The following ZNF740 variants were observed in gnomAD, a reference collection of about 807,000 sequenced individuals.
The protein encoded by ZNF740 is oriLyt TD-element-binding protein 7.
Under a neutral mutation model 24.8 loss-of-function variants are expected in ZNF740, and 14 were observed. That is an observed-to-expected ratio of 0.56 (90% CI 0.37 to 0.88). ZNF740 has a LOEUF of 0.88. Among genes scored for constraint, ZNF740 ranks in the 40% least tolerant of loss-of-function variants. The pLI is 0.00. For synonymous variants in ZNF740, 69 were observed against 84.0 expected (o/e 0.82, Z 0.98); for missense variants, 201 against 247.9 (o/e 0.81, Z 1.27).
At position 53,193,135 on chromosome 12, in the gene ZNF740, G is replaced by A. The variant is rs779517190; in HGVS notation, c.*5545G>A. 2 of 1,600,802 alleles carry A rather than the reference G, an allele frequency of 1.2e-6. No homozygotes were observed. The highest frequency in any genetic ancestry group is 1.7e-6 in the Non-Finnish European group (2 of 1,169,836). On this transcript the variant is annotated 3_prime_UTR_variant, in exon 7 of 7. Transcript: ENST00000416904. ...CCCCGCCCTTCTCCCCAAGGCTCCA[G>A]GTACCTCCGCAGAGGATGCCCTCAT...
intron 2 of ZNF740, among the ~76,000 whole-genome samples, chr12:53,184,176 G>GGTGTGTGT (rs143795685): frequency 1.0e-4 from 13 of 128,138 alleles, no homozygotes; most frequent in African/African-American, 3.9e-4. Flanking sequence ...GAAGCTAAGG[G>GGTGTGTGT]GTGTGTGTGT....
chr12:53,181,403 C>A (rs1459365643), intron 1 of ZNF740: 10 of 985,454 alleles, frequency 1.0e-5, no homozygotes, highest in Non-Finnish European at 1.2e-5. Flanking sequence ...GGTCTCCGCC[C>A]CCTTCTTCCA....
chr12:53,194,199 G>A lies in ZNF740; in HGVS notation c.*6609G>A, dbSNP rs1455617699. ...CTGCCTGTGCTTGCTGGCTCTCACC[G>A]TCTGGTTGATTCGGACGTGGTTGCA... On this transcript the variant is annotated 3_prime_UTR_variant, in exon 7 of 7. Coordinates refer to ENST00000416904, the MANE Select transcript of ZNF740 (RefSeq NM_001004304.4). 9.9e-6 allele frequency: 16 copies of A among 1,613,814 alleles called. No individual in the cohort carries two copies. The highest frequency in any genetic ancestry group is 4.5e-5 in the East Asian group (2 of 44,884).
intron 1 of ZNF740, chr12:53,181,361 G>A: frequency 2.0e-6 from 2 of 985,384 alleles, no homozygotes; most frequent in African/African-American, 1.7e-5. Context: ...CGAGCTTTTC[G>A]GGCCGGCCCA....
chr12:53,182,434 A>G (rs1375152507), intron 2 of ZNF740, among the ~76,000 whole-genome samples: 2 of 152,082 alleles, frequency 1.3e-5, no homozygotes, highest in Non-Finnish European at 2.9e-5. Flanking sequence ...TGGGGTCGGG[A>G]GAGGGATGGA....
intron 1 of ZNF740, 140 bp downstream of exon 1, chr12:53,180,977 G>A (rs1445587597): frequency 7.6e-6 from 6 of 789,922 alleles, no homozygotes; most frequent in Non-Finnish European, 9.6e-6. Flanking sequence ...GATCTCCGGG[G>A]GAGGGAGGGG....
Position 53,185,935 on chromosome 12 carries a change from G to C in ZNF740, c.250-19G>C, listed in dbSNP as rs775428661. The C allele has an allele frequency of 3.1e-6, 5 of 1,612,950 alleles. No homozygotes were observed. Among genetic ancestry groups the C allele is most frequent in the South Asian group, 2.2e-5 (2 of 90,842 alleles). On this transcript the variant is annotated intron_variant, in intron 4 of 6. Coordinates refer to ENST00000416904, the MANE Select transcript of ZNF740 (RefSeq NM_001004304.4). Reference sequence around the variant, plus strand: ...GAGGGCAGTGGTGGCCTCATGACATGCCTGATTATTGCCCCCAGGTGGTGG... The same window carrying C: ...GAGGGCAGTGGTGGCCTCATGACATCCCTGATTATTGCCCCCAGGTGGTGG...
intron 4 of ZNF740, 132 bp from the exon 5 acceptor site, chr12:53,185,822 G>A (rs1463171013): frequency 1.6e-6 from 2 of 1,250,394 alleles, no homozygotes; most frequent in Admixed American, 2.6e-5. Context: ...TGGAGTACAG[G>A]AGATGGCAGC....
rs1183287028 is a variant in ZNF740, at chr12:53,180,842, G to T, written c.-308+5G>T. 1.6e-6 allele frequency: 2 copies of T among 1,270,340 alleles called. No homozygotes were observed. Among genetic ancestry groups the T allele is most frequent in the Middle Eastern group, 2.5e-4 (1 of 3,992 alleles). 78.7% of individuals were successfully genotyped at this position (1,270,340 alleles called of 1,614,324 possible). On this transcript the variant is annotated splice_donor_5th_base_variant and intron_variant, in intron 1 of 6. Transcript: ENST00000416904. ...GCGGGAGGCCGCGCCTGGCAGGTAGGAGCAAGCCCCAAAGACCGCAGCGTC... is the reference window on the plus strand; with the variant it reads ...GCGGGAGGCCGCGCCTGGCAGGTAGTAGCAAGCCCCAAAGACCGCAGCGTC...
In ZNF740 at chr12:53,181,041, C is replaced by T. The variant is rs895614654; in HGVS notation, c.-308+204C>T. 1.5e-5 allele frequency: 13 copies of T among 881,056 alleles called. No homozygotes were observed. The South Asian group carries it at 3.0e-4, about 21-fold the overall frequency. The allele number at this position is 881,056 out of a possible 1,614,324, so 54.6% of individuals were successfully genotyped here. ...CCCGCGCGTCCCGCCGCGTCCCCGGCCCGGGAGAGGGCTCTCGGAGGGGAC... is the reference window on the plus strand; with the variant it reads ...CCCGCGCGTCCCGCCGCGTCCCCGGTCCGGGAGAGGGCTCTCGGAGGGGAC... On this transcript the variant is annotated intron_variant, in intron 1 of 6. Coordinates refer to ENST00000416904, the MANE Select transcript of ZNF740 (RefSeq NM_001004304.4).
chr12:53,185,610 A>G (rs1941807715), intron 4 of ZNF740, 134 bp downstream of exon 4: 3 of 808,440 alleles, frequency 3.7e-6, no homozygotes, highest in African/African-American at 1.7e-5. Context: ...TGAGTCCCCC[A>G]GATTTCATCC....
intron 3 of ZNF740, 110 bp downstream of exon 3, chr12:53,185,150 A>G (rs948309674): frequency 5.2e-6 from 8 of 1,526,840 alleles, no homozygotes; most frequent in African/African-American, 1.4e-5. Flanking sequence ...AAGTGGGGCA[A>G]GGGGATCCAA....
In ZNF740 at chr12:53,187,634, C is replaced by A; in HGVS notation, c.*44C>A. The A allele has an allele frequency of 6.7e-7, 1 of 1,494,730 alleles. No homozygotes were observed. The highest frequency in any genetic ancestry group is 9.3e-7 in the Non-Finnish European group (1 of 1,074,390). The allele number at this position is 1,494,730 out of a possible 1,614,324, so 92.6% of individuals were successfully genotyped here. ...GGTGGGAGTGATCAGAAGAACCTGC[C>A]GAAGAGCACACCCCCTCTGGTCTGA... On this transcript the variant is annotated 3_prime_UTR_variant, in exon 7 of 7. Transcript: ENST00000416904.
Position 53,192,301 on chromosome 12 carries a change from C to T in ZNF740, c.*4711C>T. On this transcript the variant is annotated 3_prime_UTR_variant, in exon 7 of 7. Coordinates refer to ENST00000416904, the MANE Select transcript of ZNF740 (RefSeq NM_001004304.4). The stretch of plus-strand genomic sequence containing the variant: ...GTTGAGACCCTGCCCATCAAACTTC[C>T]AGGGTTTGTGGCATCCCTGCCCACT... The T allele has an allele frequency of 1.2e-6, 2 of 1,610,024 alleles. No homozygotes were observed. Among genetic ancestry groups the T allele is most frequent in the Non-Finnish European group, 1.7e-6 (2 of 1,177,052 alleles).
chr12:53,194,401 A>C lies in ZNF740; in HGVS notation c.*6811A>C, dbSNP rs1361293682. On this transcript the variant is annotated 3_prime_UTR_variant, in exon 7 of 7. Coordinates refer to ENST00000416904, the MANE Select transcript of ZNF740 (RefSeq NM_001004304.4). ...GAAGGCAGAAAAGGACTCCAACCCC[A>C]CCTTATGTCCTCTCCAGGTGTTCCC... The C allele has an allele frequency of 6.4e-7, 1 of 1,559,858 alleles. No individual in the cohort carries two copies. Among genetic ancestry groups the C allele is most frequent in the Admixed American group, 1.8e-5 (1 of 56,078 alleles).
rs994556038 is a variant in ZNF740, at chr12:53,193,037, C to G, written c.*5447C>G. ...CAACCACACCCTCTAACCCATACAC[C>G]GGAATCTTTTGATATTTGCCTTCCA... On this transcript the variant is annotated 3_prime_UTR_variant, in exon 7 of 7. Transcript: ENST00000416904. 1 of 1,375,364 alleles carries G rather than the reference C, an allele frequency of 7.3e-7. No individual in the cohort carries two copies. The highest frequency in any genetic ancestry group is 1.4e-5 in the African/African-American group (1 of 69,984). 85.2% of individuals were successfully genotyped at this position (1,375,364 alleles called of 1,614,324 possible). A position where few individuals can be genotyped will look rare whatever the true frequency, so the allele number is the denominator to read the frequency against.
At chr12:53,183,540 G>A (rs1002741760) in intron 2 of ZNF740, among the ~76,000 whole-genome samples, 4 of 152,078 alleles carry the variant, frequency 2.6e-5, no homozygotes, top group African/African-American at 9.7e-5. Context: ...GCTAACCGAA[G>A]TCAGTTTGAA....
chr12:53,191,707 C>A lies in ZNF740; in HGVS notation c.*4117C>A. On this transcript the variant is annotated 3_prime_UTR_variant, in exon 7 of 7. Coordinates refer to ENST00000416904, the MANE Select transcript of ZNF740 (RefSeq NM_001004304.4). ...TCGTCCCCTTTCTAGACCTAAGAGG[C>A]CAGCCTTGAGCCGAATCCTAGGAGC... 1 of 1,542,464 alleles carries A rather than the reference C, an allele frequency of 6.5e-7. No individual in the cohort carries two copies. Among genetic ancestry groups the A allele is most frequent in the Non-Finnish European group, 9.0e-7 (1 of 1,115,426 alleles).
chr12:53,192,905 C>G lies in ZNF740; in HGVS notation c.*5315C>G. 6.2e-7 allele frequency: 1 copy of G among 1,613,950 alleles called. No individual in the cohort carries two copies. The highest frequency in any genetic ancestry group is 8.5e-7 in the Non-Finnish European group (1 of 1,179,890). Reference sequence around the variant, plus strand: ...TGACATACTCCACATTGGCAGCGACCAAAGCCTGGGGTAGAGCCATGCAGA... The same window carrying G: ...TGACATACTCCACATTGGCAGCGACGAAAGCCTGGGGTAGAGCCATGCAGA... On this transcript the variant is annotated 3_prime_UTR_variant, in exon 7 of 7. Coordinates refer to ENST00000416904, the MANE Select transcript of ZNF740 (RefSeq NM_001004304.4).
Sources: allele counts gnomAD v4.1 joint callset (sites outside exome capture counted in the v4.1 genomes callset), GRCh38; gene constraint gnomAD v4.1.1; transcripts MANE v1.5; gene names NCBI Gene and HGNC (gene_info 2026-07-23, HGNC 2026-07-21).